Variants in TXNL1 observed in about 807,000 individuals in gnomAD.
TXNL1 encodes thioredoxin-like protein 1.
In TXNL1, 14 loss-of-function variants were observed where a neutral mutation model predicts 35.5. The observed-to-expected ratio is 0.39, with a 90% CI of 0.26 to 0.62. The LOEUF (loss-of-function observed/expected upper bound fraction) is 0.62. Ranked by LOEUF, TXNL1 falls within the 20% of genes least tolerant of loss-of-function variation. TXNL1 has a pLI of 0.47. For missense variants in TXNL1, 263 were observed against 349.7 expected, an observed-to-expected ratio of 0.75 and a Z score of 1.98; for synonymous variants, 110 against 115.5, an observed-to-expected ratio of 0.95 and a Z score of 0.31.
intron 6 of TXNL1, among the ~76,000 whole-genome samples, chr18:56,613,413 T>A (rs997861505): frequency 3.4e-4 from 51 of 152,162 alleles, no homozygotes; most frequent in Non-Finnish European, 6.3e-4. Context: ...CAATGCTAAA[T>A]TTTTTAAAAG....
chr18:56,635,571 G>C (rs948345860), intron 1 of TXNL1, among the ~76,000 whole-genome samples: 1 of 152,174 alleles, frequency 6.6e-6, no homozygotes, highest in African/African-American at 2.4e-5. Context: ...AATTCATAGA[G>C]ACAGAAAGCA....
intron 3 of TXNL1, among the ~76,000 whole-genome samples, chr18:56,623,429 A>AT (rs1230397347): frequency 2.9e-4 from 44 of 151,406 alleles, no homozygotes; most frequent in Non-Finnish European, 5.2e-4. Flanking sequence ...CCGCCTCAAA[A>AT]AAAAAAAAAA....
intron 6 of TXNL1, 121 bp downstream of exon 6, chr18:56,614,303 C>T (rs2144296441): frequency 1.2e-6 from 1 of 802,066 alleles, no homozygotes; most frequent in Non-Finnish European, 1.9e-6. Context: ...AAACATTTTA[C>T]TCATTTCAAA....
At chr18:56,634,148 T>C (rs1047991187) in intron 1 of TXNL1, among the ~76,000 whole-genome samples, 1 of 152,074 alleles carries the variant, frequency 6.6e-6, no homozygotes, top group African/African-American at 2.4e-5. Flanking sequence ...TAAGTAACAA[T>C]TTGGAGACAC....
chr18:56,635,537 T>G (rs1407447103), intron 1 of TXNL1, among the ~76,000 whole-genome samples: 1 of 152,228 alleles, frequency 6.6e-6, no homozygotes, highest in African/African-American at 2.4e-5. Flanking sequence ...CGATTTCACT[T>G]ATATTAGGTG....
intron 6 of TXNL1, among the ~76,000 whole-genome samples, chr18:56,612,384 A>T (rs2024011036): frequency 6.7e-6 from 1 of 148,740 alleles, no homozygotes; most frequent in Non-Finnish European, 1.5e-5. Flanking sequence ...TATGTGCCTC[A>T]TTTTTTTTTT....
At chr18:56,631,551 A>G (rs1475172324) in intron 1 of TXNL1, among the ~76,000 whole-genome samples, 1 of 152,218 alleles carries the variant, frequency 6.6e-6, no homozygotes, top group African/African-American at 2.4e-5. Context: ...TAAAATGTGT[A>G]TGTTAGAAGG....
chr18:56,613,362 T>C (rs889379931), intron 6 of TXNL1, among the ~76,000 whole-genome samples: 3 of 152,198 alleles, frequency 2.0e-5, no homozygotes, highest in Non-Finnish European at 4.4e-5. Flanking sequence ...GTCCTACCCA[T>C]TCCTCTAAAT....
chr18:56,612,809 A>G (rs750475323), intron 6 of TXNL1, among the ~76,000 whole-genome samples: 2 of 152,192 alleles, frequency 1.3e-5, no homozygotes, highest in African/African-American at 2.4e-5. Flanking sequence ...TAAGTTTAAT[A>G]TAACAATTTT....
rs1415663137 is a variant in TXNL1, at chr18:56,600,640, C to T, written c.*2387G>A. 1 of 148,798 alleles carries T rather than the reference C, an allele frequency of 6.7e-6. No individual in the cohort carries two copies. Among genetic ancestry groups the T allele is most frequent in the Non-Finnish European group, 1.5e-5 (1 of 67,610 alleles). The allele number at this position is 148,798 out of a possible 1,614,324, so 9.2% of individuals were successfully genotyped here. ...AACTCTAATTGTTACGTGGCTGCCT[C>T]CAACAGTATATTGAGACTGGGGAAC... On this transcript the variant is annotated 3_prime_UTR_variant, in exon 8 of 8. Coordinates refer to ENST00000217515, the MANE Select transcript of TXNL1 (RefSeq NM_004786.3).
intron 7 of TXNL1, chr18:56,609,422 T>C (rs1370860156): frequency 6.6e-6 from 1 of 152,094 alleles, no homozygotes; most frequent in Non-Finnish European, 1.5e-5. Flanking sequence ...AGGCAGATAG[T>C]TAGATGGATA....
chr18:56,608,042 G>A (rs2023930549), intron 7 of TXNL1, among the ~76,000 whole-genome samples: 1 of 152,178 alleles, frequency 6.6e-6, no homozygotes, highest in African/African-American at 2.4e-5. Context: ...TACAGGGTTT[G>A]TTAGTGTCTG....
chr18:56,632,076 T>G (rs2024381497), intron 1 of TXNL1, among the ~76,000 whole-genome samples: 1 of 152,148 alleles, frequency 6.6e-6, no homozygotes. Context: ...AACAGGCAAT[T>G]CATAAATATA....
At chr18:56,636,469 G>A (rs111816645) in intron 1 of TXNL1, among the ~76,000 whole-genome samples, 117 of 152,116 alleles carry the variant, frequency 7.7e-4, no homozygotes, top group Middle Eastern at 3.4e-3. Context: ...GAATATTAAA[G>A]GTAAATACAA....
chr18:56,634,991 G>GA (rs2024433493), intron 1 of TXNL1, among the ~76,000 whole-genome samples: 1 of 152,218 alleles, frequency 6.6e-6, no homozygotes, highest in African/African-American at 2.4e-5. Context: ...GCCCAGCGCA[G>GA]TGACTCACAC....
intron 1 of TXNL1, among the ~76,000 whole-genome samples, chr18:56,629,596 G>C (rs2024339488): frequency 6.6e-6 from 1 of 152,116 alleles, no homozygotes; most frequent in Non-Finnish European, 1.5e-5. Context: ...AAATGCATAG[G>C]GGGTAAAAAG....
chr18:56,602,649 T>C lies in TXNL1; in HGVS notation c.*378A>G, dbSNP rs2023825627. 4.9e-6 allele frequency: 1 copy of C among 202,576 alleles called. No homozygotes were observed. Among genetic ancestry groups the C allele is most frequent in the Non-Finnish European group, 9.8e-6 (1 of 102,044 alleles). The allele number at this position is 202,576 out of a possible 1,614,324, so 12.5% of individuals were successfully genotyped here. A position where few individuals can be genotyped will look rare whatever the true frequency, so the allele number is the denominator to read the frequency against. On this transcript the variant is annotated 3_prime_UTR_variant, in exon 8 of 8. Coordinates refer to ENST00000217515, the MANE Select transcript of TXNL1 (RefSeq NM_004786.3). ...TCCAGGTTCACTTATCAAAATAACTTGCCATGAATGTGTACACATGTACTT... is the reference window on the plus strand; with the variant it reads ...TCCAGGTTCACTTATCAAAATAACTCGCCATGAATGTGTACACATGTACTT...
intron 4 of TXNL1, among the ~76,000 whole-genome samples, chr18:56,617,302 G>T (rs2024104198): frequency 6.6e-6 from 1 of 152,208 alleles, no homozygotes; most frequent in Admixed American, 6.5e-5. Flanking sequence ...GAACTGAACT[G>T]TAGGTGAAGA....
chr18:56,628,060 T>C (rs1365187091), intron 1 of TXNL1, among the ~76,000 whole-genome samples: 1 of 152,138 alleles, frequency 6.6e-6, no homozygotes, highest in African/African-American at 2.4e-5. Flanking sequence ...GAATGAACCC[T>C]TGAATAGGTA....
Sources: allele counts gnomAD v4.1 joint callset (sites outside exome capture counted in the v4.1 genomes callset), GRCh38; gene constraint gnomAD v4.1.1; transcripts MANE v1.5; gene names NCBI Gene and HGNC (gene_info 2026-07-23, HGNC 2026-07-21).